The following XKR4 variants were observed in gnomAD, a reference collection of about 807,000 sequenced individuals.
XKR4 encodes XK-related protein 4.
A neutral mutation model predicts 53.9 loss-of-function variants in XKR4; 12 were observed. That is an observed-to-expected ratio of 0.22 (90% CI 0.14 to 0.36). XKR4 has a LOEUF of 0.36. XKR4 is among the 10% of genes least tolerant of loss of function. The pLI is 1.00. For synonymous variants in XKR4, 354 were observed against 362.4 expected, an observed-to-expected ratio of 0.98 and a Z score of 0.26; for missense variants, 799 against 859.5, an observed-to-expected ratio of 0.93 and a Z score of 0.88.
intron 1 of XKR4, among the ~76,000 whole-genome samples, chr8:55,327,447 C>A (rs965706531): frequency 2.0e-5 from 3 of 151,994 alleles, no homozygotes; most frequent in Admixed American, 1.3e-4. Context: ...AGTACACAAA[C>A]TACTCAAATA....
At chr8:55,431,607 A>G (rs1002250133) in intron 2 of XKR4, among the ~76,000 whole-genome samples, 1 of 152,230 alleles carries the variant, frequency 6.6e-6, no homozygotes, top group Non-Finnish European at 1.5e-5. Context: ...CTTTGTTAGC[A>G]TTTATCAAAA....
At position 55,234,042 on chromosome 8, in the gene XKR4, G is replaced by A. The variant is rs537491663; in HGVS notation, c.807-123636G>A. Reference sequence around the variant, plus strand: ...TACCATTATCGATTCCCTGAAGTCCGAATTAATAGCACACAGGATTTAGGA... The same window carrying A: ...TACCATTATCGATTCCCTGAAGTCCAAATTAATAGCACACAGGATTTAGGA... On this transcript the variant is annotated intron_variant, in intron 1 of 2. Coordinates refer to ENST00000327381, the MANE Select transcript of XKR4 (RefSeq NM_052898.2). Among the ~76,000 whole-genome samples, 11 of 152,264 alleles carry A rather than the reference G, an allele frequency of 7.2e-5. 1 individual carries two copies. Among genetic ancestry groups the A allele is most frequent in the South Asian group, 4.2e-4 (2 of 4,816 alleles).
At chr8:55,238,236 T>C (rs1400767235) in intron 1 of XKR4, among the ~76,000 whole-genome samples, 1 of 152,204 alleles carries the variant, frequency 6.6e-6, no homozygotes, top group Non-Finnish European at 1.5e-5. Flanking sequence ...ATGATACCAT[T>C]CTAAGCATGC....
chr8:55,286,954 T>C (rs140644723), intron 1 of XKR4, among the ~76,000 whole-genome samples: 126 of 152,288 alleles, frequency 8.3e-4, no homozygotes, highest in African/African-American at 2.9e-3. Context: ...CTTTTTTAAG[T>C]ATATTAATTC....
chr8:55,103,203 G>A lies in XKR4; in HGVS notation c.715G>A (p.Ala239Thr). The change falls in exon 1 of 3, where the codon GCC (alanine) becomes ACC (threonine). Residue 239 changes from alanine to threonine, a missense_variant. Physicochemically the swap from Ala to Thr is moderately conservative, Grantham distance 58 (BLOSUM62 0). Around this residue, in one of 3 missense-constraint regions of XKR4, gnomAD observed 476 missense variants for 505.4 expected, o/e 0.94. Coordinates refer to ENST00000327381, the MANE Select transcript of XKR4 (RefSeq NM_052898.2). ...CAGCAACAGCAGCGGGGCTACCCGG[G>A]CCAGTGGCAAGCACAGGTCTGCGTC... ...SGSNSSGATR[A>T]SGKHRSASCS... 6.2e-7 allele frequency: 1 copy of A among 1,614,070 alleles called. No homozygotes were observed. Among genetic ancestry groups the A allele is most frequent in the Non-Finnish European group, 8.5e-7 (1 of 1,180,054 alleles).
chr8:55,148,337 G>A lies in XKR4; in HGVS notation c.806+45043G>A, dbSNP rs920739513. On this transcript the variant is annotated intron_variant, in intron 1 of 2. Transcript: ENST00000327381. Reference sequence around the variant, plus strand: ...CAAGAATCACTTGAACCCAGGAGGCGGAGGTTGCAGTGATCCTAGATCACA... The same window carrying A: ...CAAGAATCACTTGAACCCAGGAGGCAGAGGTTGCAGTGATCCTAGATCACA... 3.2e-4 allele frequency among the ~76,000 whole-genome samples: 48 copies of A among 152,108 alleles called. 1 individual carries two copies. Among genetic ancestry groups the A allele is most frequent in the African/African-American group, 2.7e-4 (11 of 41,490 alleles).
At chr8:55,247,532 C>T (rs1487183439) in intron 1 of XKR4, among the ~76,000 whole-genome samples, 1 of 152,084 alleles carries the variant, frequency 6.6e-6, no homozygotes, top group Non-Finnish European at 1.5e-5. Flanking sequence ...TATTTGAGCC[C>T]ATATGACCAA....
At chr8:55,302,362 T>C (rs1182429024) in intron 1 of XKR4, among the ~76,000 whole-genome samples, 1 of 151,034 alleles carries the variant, frequency 6.6e-6, no homozygotes, top group African/African-American at 2.4e-5. Flanking sequence ...TATATCTCTG[T>C]TTTGGTACCA....
chr8:55,292,457 C>T (rs1819043798), intron 1 of XKR4, among the ~76,000 whole-genome samples: 1 of 152,014 alleles, frequency 6.6e-6, no homozygotes, highest in Non-Finnish European at 1.5e-5. Flanking sequence ...TCATACCATT[C>T]TCTTTTATGG....
intron 2 of XKR4, among the ~76,000 whole-genome samples, chr8:55,512,825 T>C (rs1301015933): frequency 1.3e-5 from 2 of 152,082 alleles, no homozygotes; most frequent in Non-Finnish European, 2.9e-5. Flanking sequence ...GGGTCTCTCC[T>C]TGAGAAACTC....
chr8:55,258,536 G>A (rs999583656), intron 1 of XKR4, among the ~76,000 whole-genome samples: 15 of 152,128 alleles, frequency 9.9e-5, no homozygotes, highest in Admixed American at 2.0e-4. Context: ...AACCTAAAGC[G>A]GGAATGACAT....
chr8:55,103,849 T>G (rs1816095206), intron 1 of XKR4, among the ~76,000 whole-genome samples: 2 of 61,070 alleles, frequency 3.3e-5, no homozygotes, highest in Admixed American at 2.2e-4. Context: ...GCAAATGACT[T>G]TGTATATATA....
intron 1 of XKR4, among the ~76,000 whole-genome samples, chr8:55,137,637 C>A (rs1816649753): frequency 6.7e-6 from 1 of 149,778 alleles, no homozygotes; most frequent in Non-Finnish European, 1.5e-5. Flanking sequence ...TGCAGTGGCA[C>A]ACTGCAGTCT....
intron 2 of XKR4, among the ~76,000 whole-genome samples, chr8:55,387,663 C>A (rs920732817): frequency 6.6e-6 from 1 of 152,176 alleles, no homozygotes; most frequent in Non-Finnish European, 1.5e-5. Context: ...GCTAGGGAGA[C>A]CAGGGCCCAG....
chr8:55,259,153 G>A (rs917979801), intron 1 of XKR4, among the ~76,000 whole-genome samples: 2 of 152,226 alleles, frequency 1.3e-5, no homozygotes, highest in Non-Finnish European at 2.9e-5. Context: ...CTGCACTGCA[G>A]ATCATAGCAC....
At chr8:55,244,444 C>T (rs755990169) in intron 1 of XKR4, among the ~76,000 whole-genome samples, 12 of 152,178 alleles carry the variant, frequency 7.9e-5, no homozygotes. Context: ...ATATGTACCA[C>T]ATTTCCTTTA....
At chr8:55,164,224 T>A (rs1266717944) in intron 1 of XKR4, 1 of 456,596 alleles carries the variant, frequency 2.2e-6, no homozygotes. Context: ...CTTTCCTGAA[T>A]TCTGTCGGCA....
chr8:55,332,459 C>T (rs1240907678), intron 1 of XKR4, among the ~76,000 whole-genome samples: 4 of 151,928 alleles, frequency 2.6e-5, no homozygotes, highest in Admixed American at 2.0e-4. Context: ...TTGAAGGACT[C>T]CCTTAAAATT....
chr8:55,538,058 G>C lies in XKR4; in HGVS notation c.*13831G>C, dbSNP rs1807055155. 1 of 152,144 alleles carries C rather than the reference G, an allele frequency of 6.6e-6. No homozygotes were observed. The highest frequency in any genetic ancestry group is 1.5e-5 in the Non-Finnish European group (1 of 68,016). The allele number at this position is 152,144 out of a possible 1,614,324, so 9.4% of individuals were successfully genotyped here. On this transcript the variant is annotated 3_prime_UTR_variant, in exon 3 of 3. Coordinates refer to ENST00000327381, the MANE Select transcript of XKR4 (RefSeq NM_052898.2). ...ACCAAAAATCCATGTTGAATATAGT[G>C]ACTGTCTTAAATATACTTAAATATG...
Sources: allele counts gnomAD v4.1 joint callset (sites outside exome capture counted in the v4.1 genomes callset), GRCh38; gene constraint gnomAD v4.1.1; regional missense constraint gnomAD v4.1.1; transcripts MANE v1.5; gene names NCBI Gene and HGNC (gene_info 2026-07-23, HGNC 2026-07-21).